The following MSR1 variants were observed in gnomAD, a reference collection of about 807,000 sequenced individuals.
MSR1 encodes macrophage scavenger receptor 1.
Under a neutral mutation model 47.2 loss-of-function variants are expected in MSR1, and 53 were observed. The observed-to-expected ratio is 1.12, with a 90% CI of 0.90 to 1.41. The LOEUF (loss-of-function observed/expected upper bound fraction) is 1.41, where lower values mean the gene tolerates loss of function less well. Among genes scored for constraint, MSR1 ranks in the 40% most tolerant of loss-of-function variants. The probability of loss-of-function intolerance (pLI) is 0.00; values close to 1 mark genes in which losing one functional copy is unlikely to be tolerated. For missense variants in MSR1, 786 were observed against 546.9 expected (o/e 1.44, Z -4.36); for synonymous variants, 239 against 185.6 (o/e 1.29, Z -2.34).
At position 16,109,797 on chromosome 8, in the gene MSR1, C is replaced by T; in HGVS notation, c.*288G>A. On this transcript the variant is annotated 3_prime_UTR_variant, in exon 10 of 10. Coordinates refer to ENST00000262101, the MANE Select transcript of MSR1 (RefSeq NM_138715.3). ...AATTACTGGTATGCATTTCTATTAC[C>T]CTTGGCCTTTGTAATCTGGAAGCTA... 2.5e-6 allele frequency: 1 copy of T among 400,960 alleles called. No homozygotes were observed. 24.8% of individuals were successfully genotyped at this position (400,960 alleles called of 1,614,324 possible). A position where few individuals can be genotyped will look rare whatever the true frequency, so the allele number is the denominator to read the frequency against.
intron 1 of MSR1, chr8:16,186,337 C>T (rs1377625665): frequency 2.8e-6 from 2 of 713,604 alleles, no homozygotes; most frequent in South Asian, 1.9e-5. Context: ...ATCTCACTAG[C>T]CTCATTGCTT....
intron 6 of MSR1, among the ~76,000 whole-genome samples, chr8:16,153,512 A>G (rs1800917200): frequency 6.6e-6 from 1 of 152,020 alleles, no homozygotes; most frequent in South Asian, 2.1e-4. Context: ...AAATTATGAC[A>G]TCACTTTTTA....
intron 1 of MSR1, among the ~76,000 whole-genome samples, chr8:16,183,652 A>G (rs1801906728): frequency 7.0e-6 from 1 of 142,026 alleles, no homozygotes; most frequent in African/African-American, 2.6e-5. Context: ...TAAATATATT[A>G]TCATATTAAT....
intron 7 of MSR1, among the ~76,000 whole-genome samples, chr8:16,146,329 C>A (rs1800698066): frequency 6.6e-6 from 1 of 152,054 alleles, no homozygotes; most frequent in Admixed American, 6.6e-5. Flanking sequence ...TCTATTTTAT[C>A]TTTCCATAAG....
intron 9 of MSR1, among the ~76,000 whole-genome samples, chr8:16,115,842 G>C (rs570317360): frequency 4.6e-5 from 7 of 152,082 alleles, no homozygotes; most frequent in African/African-American, 1.7e-4. Flanking sequence ...AAAAAAATTA[G>C]CCAGGTATGT....
chr8:16,151,763 C>G (rs1800867875), intron 6 of MSR1, among the ~76,000 whole-genome samples: 1 of 152,090 alleles, frequency 6.6e-6, no homozygotes, highest in Admixed American at 6.6e-5. Context: ...TAAAGCTGGT[C>G]TGATAATTAT....
chr8:16,136,994 G>A (rs771424148), intron 8 of MSR1, among the ~76,000 whole-genome samples: 4 of 151,780 alleles, frequency 2.6e-5, no homozygotes, highest in East Asian at 1.9e-4. Flanking sequence ...GGTACACTCA[G>A]TTCTGCTAAC....
chr8:16,181,340 A>G (rs1681209462), intron 1 of MSR1, among the ~76,000 whole-genome samples: 2 of 152,064 alleles, frequency 1.3e-5, no homozygotes, highest in African/African-American at 4.8e-5. Flanking sequence ...ATTTCTCCAT[A>G]TCCTCTCCAG....
intron 1 of MSR1, among the ~76,000 whole-genome samples, chr8:16,179,966 G>A (rs144011556): frequency 0.011 from 1,711 of 151,504 alleles, 26 homozygotes; most frequent in African/African-American, 0.039. Flanking sequence ...TCCCAGGCTG[G>A]AGTGCAGTGG....
intron 4 of MSR1, among the ~76,000 whole-genome samples, chr8:16,166,787 T>C (rs1233540797): frequency 6.6e-6 from 1 of 152,180 alleles, no homozygotes; most frequent in Admixed American, 6.5e-5. Flanking sequence ...TGGTGTCACT[T>C]ATAACCTATT....
intron 8 of MSR1, among the ~76,000 whole-genome samples, chr8:16,132,215 G>C (rs1237739297): frequency 6.6e-6 from 1 of 151,824 alleles, no homozygotes; most frequent in African/African-American, 2.4e-5. Flanking sequence ...CCCCTTTTTA[G>C]CTGTATTCCT....
chr8:16,164,755 C>T (rs1801258199), intron 4 of MSR1, among the ~76,000 whole-genome samples: 1 of 151,956 alleles, frequency 6.6e-6, no homozygotes, highest in Non-Finnish European at 1.5e-5. Flanking sequence ...CTCGAACTCG[C>T]ATATTAACAG....
chr8:16,138,046 T>C (rs1800434599), intron 8 of MSR1, among the ~76,000 whole-genome samples: 2 of 151,398 alleles, frequency 1.3e-5, no homozygotes, highest in Non-Finnish European at 1.5e-5. Context: ...GGCTTTACTT[T>C]GATCAACAAT....
intron 5 of MSR1, among the ~76,000 whole-genome samples, chr8:16,163,538 A>C (rs183373455): frequency 1.3e-5 from 2 of 151,410 alleles, no homozygotes; most frequent in Admixed American, 6.6e-5. Context: ...CTGAAAGCCT[A>C]TATATATAAA....
intron 1 of MSR1, among the ~76,000 whole-genome samples, chr8:16,179,963 C>A (rs762476857): frequency 6.0e-5 from 9 of 150,510 alleles, no homozygotes; most frequent in Non-Finnish European, 1.0e-4. Context: ...GTTTCCCAGG[C>A]TGGAGTGCAG....
At chr8:16,164,864 C>T (rs1445692101) in intron 4 of MSR1, among the ~76,000 whole-genome samples, 1 of 151,942 alleles carries the variant, frequency 6.6e-6, no homozygotes, top group Non-Finnish European at 1.5e-5. Context: ...CATACACATT[C>T]ATATACTTAA....
chr8:16,140,674 A>C, intron 8 of MSR1: 1 of 1,287,874 alleles, frequency 7.8e-7, no homozygotes, highest in Non-Finnish European at 9.8e-7. Context: ...TCAAGACTCT[A>C]GGTCAATGGG....
intron 8 of MSR1, among the ~76,000 whole-genome samples, chr8:16,134,112 G>A (rs1416338573): frequency 6.6e-6 from 1 of 152,064 alleles, no homozygotes; most frequent in Non-Finnish European, 1.5e-5. Context: ...TTGGGACATT[G>A]TGCCTATAAA....
At chr8:16,170,189 A>T (rs1307757084) in intron 3 of MSR1, among the ~76,000 whole-genome samples, 1 of 152,112 alleles carries the variant, frequency 6.6e-6, no homozygotes, top group Non-Finnish European at 1.5e-5. Context: ...CTCTGCTAAA[A>T]ATACAAAAAT....
Sources: allele counts gnomAD v4.1 joint callset (sites outside exome capture counted in the v4.1 genomes callset), GRCh38; gene constraint gnomAD v4.1.1; transcripts MANE v1.5; gene names NCBI Gene and HGNC (gene_info 2026-07-23, HGNC 2026-07-21).